MAP3K4: variants seen among roughly 807,000 people sequenced by gnomAD.
MAP3K4 encodes mitogen-activated protein kinase kinase kinase 4.
A neutral mutation model predicts 185.6 loss-of-function variants in MAP3K4; 67 were observed. That is an observed-to-expected ratio of 0.36 (90% CI 0.30 to 0.44). MAP3K4 has a LOEUF of 0.44. Among genes scored for constraint, MAP3K4 ranks in the 20% least tolerant of loss-of-function variants. MAP3K4 has a pLI of 1.00. For synonymous variants in MAP3K4, 702 were observed against 710.4 expected, an observed-to-expected ratio of 0.99 and a Z score of 0.19; for missense variants, 1,551 against 1,995.1, an observed-to-expected ratio of 0.78 and a Z score of 4.24.
chr6:161,010,252 G>T (rs1781785300), intron 1 of MAP3K4, among the ~76,000 whole-genome samples: 1 of 152,036 alleles, frequency 6.6e-6, no homozygotes, highest in African/African-American at 2.4e-5. Context: ...CAGGATGTTT[G>T]GTAAATAAAT....
In MAP3K4 at chr6:161,056,892, A is replaced by G. The variant is rs1399476292; in HGVS notation, c.1707+6913A>G. 2.0e-5 allele frequency among the ~76,000 whole-genome samples: 3 copies of G among 152,208 alleles called. No homozygotes were observed. Among genetic ancestry groups the G allele is most frequent in the African/African-American group, 7.2e-5 (3 of 41,454 alleles). On this transcript the variant is annotated intron_variant, in intron 3 of 26. Coordinates refer to ENST00000392142, the MANE Select transcript of MAP3K4 (RefSeq NM_005922.4). This position sits in a 1 kb window ranked among gnomAD's most constrained non-coding sequence, Gnocchi z 5.4. ...GTGCATACTCTAAAGTTCACTCTGT[A>G]ATATATAGTTCTATGGGTTTTGTGC...
chr6:161,117,097 A>G lies in MAP3K4; in HGVS notation c.*227A>G. 1 of 586,404 alleles carries G rather than the reference A, an allele frequency of 1.7e-6. No individual in the cohort carries two copies. 36.3% of individuals were successfully genotyped at this position (586,404 alleles called of 1,614,324 possible). A position where few individuals can be genotyped will look rare whatever the true frequency, so the allele number is the denominator to read the frequency against. On this transcript the variant is annotated 3_prime_UTR_variant, in exon 27 of 27. Coordinates refer to ENST00000392142, the MANE Select transcript of MAP3K4 (RefSeq NM_005922.4). ...TTAAAGAAGCTGCATGTTAAGTGCC[A>G]TTACTACTGTACACGGACCATCGCC...
At chr6:161,002,460 A>G (rs1396778036) in intron 1 of MAP3K4, among the ~76,000 whole-genome samples, 1 of 152,186 alleles carries the variant, frequency 6.6e-6, no homozygotes, top group Non-Finnish European at 1.5e-5. Flanking sequence ...TTCTCGCTTA[A>G]TAAAAGTAAC....
Position 161,097,268 on chromosome 6 carries a change from G to A in MAP3K4, c.3524+92G>A. On this transcript the variant is annotated intron_variant, in intron 16 of 26. Coordinates refer to ENST00000392142, the MANE Select transcript of MAP3K4 (RefSeq NM_005922.4). The surrounding 1 kb of genome is among the most constrained non-coding windows in gnomAD (Gnocchi z 4.9). ...AAACTACTAGATGCTTGCTCTGAGA[G>A]CTAAATACCTTTTCTGCATTGTTCG... 9.8e-7 allele frequency: 1 copy of A among 1,023,124 alleles called. No individual in the cohort carries two copies. Among genetic ancestry groups the A allele is most frequent in the Middle Eastern group, 2.1e-4 (1 of 4,794 alleles). The allele number at this position is 1,023,124 out of a possible 1,614,324, so 63.4% of individuals were successfully genotyped here.
chr6:161,017,496 A>G lies in MAP3K4; in HGVS notation c.153-16763A>G, dbSNP rs1210541164. Among the ~76,000 whole-genome samples the G allele has an allele frequency of 1.3e-5, 2 of 152,184 alleles. No homozygotes were observed. The highest frequency in any genetic ancestry group is 1.3e-4 in the Admixed American group (2 of 15,278). On this transcript the variant is annotated intron_variant, in intron 1 of 26. Transcript: ENST00000392142. This position sits in a 1 kb window ranked among gnomAD's most constrained non-coding sequence, Gnocchi z 5.1. ...TATTTATTTGGATATTTTAAATAGT[A>G]TTAGGTTTGTAAAAGCCTAAGTTTT...
In MAP3K4 at chr6:161,034,562, G is replaced by T; in HGVS notation, c.343+113G>T. ...TTTTTAATTTGATTTTAATGCTCCT[G>T]TAAAGTTCAATTTTTTTTTGAATTA... is the stretch of plus-strand genomic sequence containing the variant. On this transcript the variant is annotated intron_variant, in intron 2 of 26. Coordinates refer to ENST00000392142, the MANE Select transcript of MAP3K4 (RefSeq NM_005922.4). This position sits in a 1 kb window ranked among gnomAD's most constrained non-coding sequence, Gnocchi z 4.4. 2 of 810,870 alleles carry T rather than the reference G, an allele frequency of 2.5e-6. No homozygotes were observed. The highest frequency in any genetic ancestry group is 3.4e-6 in the Non-Finnish European group (2 of 580,956). 50.2% of individuals were successfully genotyped at this position (810,870 alleles called of 1,614,324 possible). A position where few individuals can be genotyped will look rare whatever the true frequency, so the allele number is the denominator to read the frequency against.
intron 1 of MAP3K4, among the ~76,000 whole-genome samples, chr6:161,018,639 G>A (rs9355327): frequency 0.22 from 33,466 of 152,086 alleles, 5,159 homozygotes; most frequent in African/African-American, 0.43. Flanking sequence ...TAAAATCCAG[G>A]TAACAACAAC....
Position 161,049,822 on chromosome 6 carries a change from T to G in MAP3K4, c.1550T>G (p.Phe517Cys). 1.2e-6 allele frequency: 2 copies of G among 1,614,104 alleles called. No homozygotes were observed. The highest frequency in any genetic ancestry group is 1.3e-5 in the African/African-American group (1 of 75,028). Residue 517 changes from phenylalanine (F) to cysteine (C), a missense_variant, in exon 3 of 27, where the codon TTT becomes TGT. Coordinates refer to ENST00000392142, the MANE Select transcript of MAP3K4 (RefSeq NM_005922.4). The surrounding 1 kb of genome is among the most constrained non-coding windows in gnomAD (Gnocchi z 8.4). ...GAPDWSTEAGFSRHCLTSIYR... is the reference protein window; with the variant it reads ...GAPDWSTEAGCSRHCLTSIYR... ...CCAGACTGGAGCACAGAAGCAGGCT[T>G]TAGTAGACATTGTCTGACTTCTATT...
chr6:161,087,542 C>T lies in MAP3K4; in HGVS notation c.2557-146C>T, dbSNP rs1554283703. 2.9e-5 allele frequency: 22 copies of T among 762,638 alleles called. No individual in the cohort carries two copies. The highest frequency in any genetic ancestry group is 4.6e-5 in the Non-Finnish European group (21 of 457,310). The allele number at this position is 762,638 out of a possible 1,614,324, so 47.2% of individuals were successfully genotyped here. On this transcript the variant is annotated intron_variant, in intron 9 of 26. Transcript: ENST00000392142. This position sits in a 1 kb window ranked among gnomAD's most constrained non-coding sequence, Gnocchi z 4.9. ...CCTCCTTCAGTCACACTGAAGCCGG[C>T]TACCTGCAGTTCCCTCACTGCTCCA...
At chr6:161,111,704 T>A (rs1408298407) in intron 23 of MAP3K4, 132 bp from the exon 24 acceptor site, 9 of 933,988 alleles carry the variant, frequency 9.6e-6, no homozygotes, top group Middle Eastern at 2.2e-4. Flanking sequence ...TGATTACACT[T>A]TGTAAGTCAA....
chr6:161,089,039 C>T (rs989921448), intron 10 of MAP3K4, among the ~76,000 whole-genome samples: 1 of 152,122 alleles, frequency 6.6e-6, no homozygotes, highest in African/African-American at 2.4e-5. Context: ...CACACACACT[C>T]TGCACTGGCA....
chr6:160,998,484 A>G (rs900122329), intron 1 of MAP3K4, among the ~76,000 whole-genome samples: 2 of 152,252 alleles, frequency 1.3e-5, no homozygotes, highest in Non-Finnish European at 2.9e-5. Flanking sequence ...TAAAATTGAA[A>G]TTGATGAGAG....
chr6:161,081,929 T>C (rs1454620127), intron 6 of MAP3K4, among the ~76,000 whole-genome samples: 2 of 152,214 alleles, frequency 1.3e-5, no homozygotes, highest in African/African-American at 4.8e-5. Context: ...GCATTTTGTC[T>C]CTTGTATTAG....
chr6:161,090,641 GAGCCAGGGCAGGGCTTCT>G (rs1785984914), intron 11 of MAP3K4, among the ~76,000 whole-genome samples: 55 of 56,334 alleles, frequency 9.8e-4, no homozygotes, highest in East Asian at 4.3e-3. Context: ...AGGATGTTTA[GAGCCAGGGCAGGGCTTCT>G]CAGCCTCTTG....
intron 1 of MAP3K4, among the ~76,000 whole-genome samples, chr6:161,029,981 T>A (rs1782849012): frequency 6.6e-6 from 1 of 152,200 alleles, no homozygotes; most frequent in Admixed American, 6.5e-5. Flanking sequence ...CTTCTCTTCG[T>A]CATTGGTTTT....
chr6:161,041,582 C>T (rs1783454484), intron 2 of MAP3K4, among the ~76,000 whole-genome samples: 3 of 152,212 alleles, frequency 2.0e-5, no homozygotes, highest in Admixed American at 6.5e-5. Context: ...ACGGCCATTG[C>T]AGCAGCAGCT....
Position 161,089,484 on chromosome 6 carries a change from C to T in MAP3K4, c.2973+13C>T. On this transcript the variant is annotated intron_variant, in intron 11 of 26. Coordinates refer to ENST00000392142, the MANE Select transcript of MAP3K4 (RefSeq NM_005922.4). ...GCAGCAGCTGAAGGTATTACACTGT[C>T]CTCTACATTAGCTGAGATTTTTCCT... is the stretch of plus-strand genomic sequence containing the variant. The T allele has an allele frequency of 6.2e-7, 1 of 1,612,416 alleles. No homozygotes were observed. The highest frequency in any genetic ancestry group is 8.5e-7 in the Non-Finnish European group (1 of 1,179,482).
In MAP3K4 at chr6:161,106,493, A is replaced by G. The variant is rs371995244; in HGVS notation, c.3857-21A>G. On this transcript the variant is annotated intron_variant, in intron 19 of 26. Coordinates refer to ENST00000392142, the MANE Select transcript of MAP3K4 (RefSeq NM_005922.4). This position sits in a 1 kb window ranked among gnomAD's most constrained non-coding sequence, Gnocchi z 4.9. ...TTGATAACAGTGATTGGGACTAATG[A>G]GGTTTTGGTTCTCTCTGCAGATACT... 4 of 1,568,224 alleles carry G rather than the reference A, an allele frequency of 2.6e-6. No individual in the cohort carries two copies. The highest frequency in any genetic ancestry group is 3.5e-6 in the Non-Finnish European group (4 of 1,154,748).
chr6:161,041,890 T>TAA (rs1273202237), intron 2 of MAP3K4, among the ~76,000 whole-genome samples: 1 of 145,916 alleles, frequency 6.9e-6, no homozygotes, highest in East Asian at 2.1e-4. Flanking sequence ...TCAGGGAGGG[T>TAA]AAAGGCCTTG....
Sources: gnomAD v4.1 joint callset for allele counts (sites outside exome capture counted in the v4.1 genomes callset) on GRCh38, gnomAD v4.1.1 for gene constraint, Gnocchi (gnomAD v3.1) non-coding constraint, MANE v1.5 for transcripts, NCBI Gene and HGNC (gene_info 2026-07-23, HGNC 2026-07-21) for gene names.